ACSBG2: variants seen among roughly 807,000 people sequenced by gnomAD.
ACSBG2 encodes the protein acyl-CoA synthetase bubblegum family member 2.
Under a neutral mutation model 74.7 loss-of-function variants are expected in ACSBG2, and 62 were observed. That is an observed-to-expected ratio of 0.83 (90% CI 0.68 to 1.03). The LOEUF is 1.03. ACSBG2 is among the 50% of genes least tolerant of loss of function. ACSBG2 has a pLI of 0.00. For synonymous variants in ACSBG2, 309 were observed against 294.1 expected (o/e 1.05, Z -0.52); for missense variants, 730 against 817.6 (o/e 0.89, Z 1.31).
chr19:6,142,523 C>A (rs549016772), intron 2 of ACSBG2, among the ~76,000 whole-genome samples: 14 of 151,928 alleles, frequency 9.2e-5, no homozygotes, highest in Non-Finnish European at 1.9e-4. Flanking sequence ...GAGGCCGAGA[C>A]AGGCGGATCA....
chr19:6,174,171 A>T lies in ACSBG2; in HGVS notation c.739-3058A>T, dbSNP rs2090036342. On this transcript the variant is annotated intron_variant, in intron 7 of 14. Transcript: ENST00000588485. This position sits in a 1 kb window ranked among gnomAD's most constrained non-coding sequence, Gnocchi z 4.2. The stretch of plus-strand genomic sequence containing the variant: ...AGGCTGGTCTCGAACTCCTGACCTC[A>T]GGTGATCCACCCGCCTTGGCCTCCC... Among the ~76,000 whole-genome samples, 1 of 152,088 alleles carries T rather than the reference A, an allele frequency of 6.6e-6. No individual in the cohort carries two copies. The highest frequency in any genetic ancestry group is 2.1e-4 in the South Asian group (1 of 4,822).
intron 3 of ACSBG2, among the ~76,000 whole-genome samples, chr19:6,151,046 G>A (rs1014189118): frequency 2.6e-5 from 4 of 151,168 alleles, no homozygotes; most frequent in Admixed American, 2.0e-4. Flanking sequence ...CCCAGGAGAC[G>A]GAGGTTGCAG....
intron 1 of ACSBG2, among the ~76,000 whole-genome samples, chr19:6,140,803 G>T (rs982872399): frequency 5.9e-5 from 9 of 151,834 alleles, no homozygotes; most frequent in African/African-American, 2.2e-4. Context: ...CAGCTTTTTT[G>T]ATCTTACTTA....
Position 6,183,244 on chromosome 19 carries a change from T to A in ACSBG2, c.1294T>A (p.Ser432Thr), listed in dbSNP as rs1352881298. ...LSESSGPHTI[S>T]NQNNYRLLSC... ...TGAGAGCTCGGGACCCCACACGATA[T>A]CCAACCAGAATAACTACAGGCTTCT... Residue 432 changes from serine to threonine, a missense_variant, in exon 10 of 15, where the codon TCC becomes ACC. Transcript: ENST00000588485. The A allele has an allele frequency of 6.8e-6, 11 of 1,613,968 alleles. No homozygotes were observed. Among genetic ancestry groups the A allele is most frequent in the African/African-American group, 1.3e-5 (1 of 74,884 alleles).
At chr19:6,156,286 G>T in intron 4 of ACSBG2, 145 bp from the exon 5 acceptor site, 1 of 783,616 alleles carries the variant, frequency 1.3e-6, no homozygotes, top group Non-Finnish European at 1.9e-6. Flanking sequence ...CTTCATCATT[G>T]TTAAGTTGGG....
chr19:6,169,202 G>GT (rs1451033651), intron 7 of ACSBG2, among the ~76,000 whole-genome samples: 1 of 152,174 alleles, frequency 6.6e-6, no homozygotes, highest in East Asian at 1.9e-4. Flanking sequence ...TCCATGTTTG[G>GT]TTTTGTTGTA....
At chr19:6,184,239 G>A (rs991759954) in intron 10 of ACSBG2, among the ~76,000 whole-genome samples, 5 of 152,204 alleles carry the variant, frequency 3.3e-5, no homozygotes, top group African/African-American at 1.2e-4. Flanking sequence ...TCAGCCCTTT[G>A]TCTTTCATAT....
intron 6 of ACSBG2, among the ~76,000 whole-genome samples, chr19:6,161,827 T>C (rs1223935949): frequency 2.0e-5 from 3 of 152,234 alleles, no homozygotes; most frequent in South Asian, 2.1e-4. Context: ...GTGTCTGTTC[T>C]GGCTAATTAC....
At chr19:6,143,321 T>G (rs924775081) in intron 2 of ACSBG2, among the ~76,000 whole-genome samples, 2 of 151,784 alleles carry the variant, frequency 1.3e-5, no homozygotes, top group African/African-American at 4.8e-5. Context: ...GGTAGTGAGG[T>G]TGCAGTGAGC....
intron 2 of ACSBG2, among the ~76,000 whole-genome samples, chr19:6,143,951 G>T (rs577684769): frequency 7.0e-4 from 96 of 137,870 alleles, no homozygotes; most frequent in African/African-American, 2.0e-3. Context: ...AAGTAATTTG[G>T]TTTTTTTGTT....
At chr19:6,161,471 G>A (rs2089614088) in intron 6 of ACSBG2, 176 bp downstream of exon 6, 1 of 565,460 alleles carries the variant, frequency 1.8e-6, no homozygotes. Flanking sequence ...AAAGGAAGTG[G>A]GTGGGGCCTT....
At position 6,192,888 on chromosome 19, in the gene ACSBG2, G is replaced by T. The variant is rs1285449626; in HGVS notation, c.*256G>T. ...GTCATGACTCCAGGGAAGCCTATTG[G>T]GAAGTCTACTAAAAACTGCCTGATT... On this transcript the variant is annotated 3_prime_UTR_variant, in exon 15 of 15. Coordinates refer to ENST00000588485, the MANE Select transcript of ACSBG2 (RefSeq NM_030924.5). The T allele has an allele frequency of 3.9e-5, 6 of 152,134 alleles. No homozygotes were observed. Among genetic ancestry groups the T allele is most frequent in the Non-Finnish European group, 8.8e-5 (6 of 68,024 alleles). The allele number at this position is 152,134 out of a possible 1,614,324, so 9.4% of individuals were successfully genotyped here.
intron 9 of ACSBG2, 26 bp downstream of exon 9, chr19:6,182,958 G>A (rs956019039): frequency 6.2e-7 from 1 of 1,613,114 alleles, no homozygotes; most frequent in Admixed American, 1.7e-5. Flanking sequence ...AGAGGGCTGG[G>A]AGGGTAGTTG....
chr19:6,158,455 T>TC (rs1213783783), intron 5 of ACSBG2, among the ~76,000 whole-genome samples: 136 of 150,624 alleles, frequency 9.0e-4, no homozygotes, highest in Non-Finnish European at 1.7e-3. Flanking sequence ...TTTTTTTTTT[T>TC]CATTGTAGTG....
chr19:6,167,250 A>G (rs570450263), intron 7 of ACSBG2, among the ~76,000 whole-genome samples: 1 of 152,200 alleles, frequency 6.6e-6, no homozygotes, highest in Non-Finnish European at 1.5e-5. Context: ...TGGCTTTGCT[A>G]CTTGTAAGTA....
In ACSBG2 at chr19:6,177,320, C is replaced by G; in HGVS notation, c.830C>G (p.Ala277Gly). Residue 277 changes from alanine (A) to glycine (G), a missense_variant, in exon 8 of 15, where the codon GCA (alanine) becomes GGA (glycine). Transcript: ENST00000588485. ...VVSYLPLSHI[A>G]AQMMDIWVPI... ...AGCTACCTCCCACTCAGCCATATTG[C>G]AGCACAGATGATGGACATCTGGGTA... 1 of 1,613,762 alleles carries G rather than the reference C, an allele frequency of 6.2e-7. No individual in the cohort carries two copies. The highest frequency in any genetic ancestry group is 8.5e-7 in the Non-Finnish European group (1 of 1,179,924).
chr19:6,138,470 G>C (rs1282794669), intron 1 of ACSBG2, among the ~76,000 whole-genome samples: 1 of 128,588 alleles, frequency 7.8e-6, no homozygotes, highest in Non-Finnish European at 1.6e-5. Flanking sequence ...AAGAGAGAGG[G>C]AGAGAGAGAG....
intron 1 of ACSBG2, among the ~76,000 whole-genome samples, chr19:6,139,571 A>G (rs927584503): frequency 3.3e-5 from 5 of 152,338 alleles, no homozygotes; most frequent in Non-Finnish European, 1.5e-5. Flanking sequence ...TTCATAAAAC[A>G]TTACTGCAAA....
At chr19:6,145,116 C>G (rs1488338448) in intron 2 of ACSBG2, among the ~76,000 whole-genome samples, 1 of 151,938 alleles carries the variant, frequency 6.6e-6, no homozygotes, top group Non-Finnish European at 1.5e-5. Flanking sequence ...AGTAGCATCC[C>G]GGCCGGGCGC....
Sources: allele counts gnomAD v4.1 joint callset (sites outside exome capture counted in the v4.1 genomes callset), GRCh38; gene constraint gnomAD v4.1.1; non-coding constraint Gnocchi (gnomAD v3.1); transcripts MANE v1.5; gene names NCBI Gene and HGNC (gene_info 2026-07-23, HGNC 2026-07-21).